OSBPL9: variants seen among roughly 807,000 people sequenced by gnomAD.
OSBPL9 encodes oxysterol-binding protein-related protein 9.
OSBPL9 carries 40 observed loss-of-function variants against 106.6 expected under a neutral mutation model. That is an observed-to-expected ratio of 0.38 (90% CI 0.29 to 0.49). OSBPL9 has a LOEUF of 0.49. OSBPL9 is among the 20% of genes least tolerant of loss of function. The pLI, the probability that OSBPL9 is intolerant of heterozygous loss-of-function variation, is 0.97. For missense variants in OSBPL9, 609 were observed against 887.2 expected, an observed-to-expected ratio of 0.69 and a Z score of 3.98; for synonymous variants, 269 against 295.4, an observed-to-expected ratio of 0.91 and a Z score of 0.92.
chr1:51,544,167 A>G, the OSBPL9 span, among the ~76,000 whole-genome samples: 1 of 152,208 alleles, frequency 6.6e-6, no homozygotes, highest in Non-Finnish European at 1.5e-5. Context: ...TCACAGATGA[A>G]GAAACTGAGG....
chr1:51,650,083 C>T (rs1171106257), intron 1 of OSBPL9, among the ~76,000 whole-genome samples: 2 of 151,942 alleles, frequency 1.3e-5, no homozygotes, highest in Non-Finnish European at 2.9e-5. Context: ...CGCCATGTTG[C>T]CCAGGCCGAC....
chr1:51,652,308 A>G (rs1459429722), intron 2 of OSBPL9, among the ~76,000 whole-genome samples: 1 of 152,226 alleles, frequency 6.6e-6, no homozygotes, highest in African/African-American at 2.4e-5. Flanking sequence ...TACTTTACAG[A>G]CAAGAGACAA....
rs746171693 is a variant in OSBPL9, at chr1:51,781,157, C to CT, written c.1257-5dup. ...AGGACATTAAATTTTGTCTTTCTCC[C>CT]TTGCAGCATTAGTGACCAGAAGGAT... On this transcript the variant is annotated splice_region_variant and splice_polypyrimidine_tract_variant and intron_variant, in intron 15 of 23. Coordinates refer to ENST00000428468, the MANE Select transcript of OSBPL9 (RefSeq NM_024586.6). 4 of 1,613,264 alleles carry CT rather than the reference C, an allele frequency of 2.5e-6. No homozygotes were observed. The highest frequency in any genetic ancestry group is 3.4e-6 in the Non-Finnish European group (4 of 1,179,508).
At chr1:51,567,484 C>A in the OSBPL9 span, 1 of 152,220 alleles carries the variant, frequency 6.6e-6, no homozygotes, top group Non-Finnish European at 1.5e-5. Context: ...CACTCCCTCC[C>A]TCCCCCATCC....
the OSBPL9 span, among the ~76,000 whole-genome samples, chr1:51,523,837 C>G: frequency 6.6e-6 from 1 of 152,116 alleles, no homozygotes; most frequent in African/African-American, 2.4e-5. Flanking sequence ...TATTTTCTAG[C>G]TTTTAGAGGC....
At chr1:51,648,447 C>A (rs1646303124) in intron 1 of OSBPL9, among the ~76,000 whole-genome samples, 1 of 152,152 alleles carries the variant, frequency 6.6e-6, no homozygotes, top group African/African-American at 2.4e-5. Flanking sequence ...TCCCTTTGCC[C>A]CGGTTGAAAA....
At chr1:51,552,516 A>G in the OSBPL9 span, among the ~76,000 whole-genome samples, 1 of 152,236 alleles carries the variant, frequency 6.6e-6, no homozygotes, top group Non-Finnish European at 1.5e-5. Flanking sequence ...ACTCTTAACC[A>G]ATATGAAAAA....
chr1:51,553,661 G>A, the OSBPL9 span, among the ~76,000 whole-genome samples: 1 of 152,026 alleles, frequency 6.6e-6, no homozygotes, highest in African/African-American at 2.4e-5. Context: ...GGGCAACATA[G>A]CAAGATCCCA....
the OSBPL9 span, among the ~76,000 whole-genome samples, chr1:51,544,837 C>CTTTTTTTTT: frequency 2.1e-4 from 17 of 80,260 alleles, no homozygotes; most frequent in African/African-American, 3.1e-4. Context: ...AAGAGACATG[C>CTTTTTTTTT]TTTTTTTTTT....
chr1:51,731,788 A>C (rs1446786330), intron 4 of OSBPL9, among the ~76,000 whole-genome samples: 1 of 152,084 alleles, frequency 6.6e-6, no homozygotes, highest in Non-Finnish European at 1.5e-5. Flanking sequence ...AAAAAAAAAA[A>C]AAAAACTCTT....
intron 4 of OSBPL9, among the ~76,000 whole-genome samples, chr1:51,731,673 A>G (rs568670770): frequency 3.3e-5 from 5 of 150,496 alleles, no homozygotes; most frequent in Admixed American, 3.3e-4. Flanking sequence ...GCTACTCGGG[A>G]GGCTGAGGCA....
intron 3 of OSBPL9, among the ~76,000 whole-genome samples, chr1:51,694,191 A>G (rs982410810): frequency 6.6e-6 from 1 of 152,252 alleles, no homozygotes; most frequent in Non-Finnish European, 1.5e-5. Context: ...TTTTGAAAAC[A>G]TGTACTTATT....
At chr1:51,579,856 A>AAATAATAATAATAAT (rs34556128) in intron 1 of OSBPL9, among the ~76,000 whole-genome samples, 5,884 of 143,770 alleles carry the variant, frequency 0.041, 226 homozygotes, top group African/African-American at 0.091. Flanking sequence ...CTCTGTCTCA[A>AAATAATAATAATAAT]AATAATAATA....
chr1:51,543,430 C>G, the OSBPL9 span, among the ~76,000 whole-genome samples: 1 of 152,174 alleles, frequency 6.6e-6, no homozygotes, highest in Non-Finnish European at 1.5e-5. Context: ...GAGTCTCACT[C>G]TGGCCCCCGG....
the OSBPL9 span, among the ~76,000 whole-genome samples, chr1:51,542,195 G>T: frequency 6.6e-6 from 1 of 152,112 alleles, no homozygotes; most frequent in Non-Finnish European, 1.5e-5. Context: ...GGCATATACA[G>T]CCTTTCTAAA....
chr1:51,692,580 C>G (rs941255278), intron 3 of OSBPL9, among the ~76,000 whole-genome samples: 2 of 151,730 alleles, frequency 1.3e-5, no homozygotes, highest in Non-Finnish European at 2.9e-5. Context: ...TATGCAATCC[C>G]TCCCTCCCTC....
rs2148936699 is a variant in OSBPL9 at position 51,729,837 on chromosome 1, CG to C, written c.319-15694del. On this transcript the variant is annotated intron_variant, in intron 4 of 23. Coordinates refer to ENST00000428468, the MANE Select transcript of OSBPL9 (RefSeq NM_024586.6). This position sits in a 1 kb window ranked among gnomAD's most constrained non-coding sequence, Gnocchi z 5.1. ...GGTGAAGGGGGTGAAGGGGGTGTCC[CG>C]GGGGACGGGCTGAACCTCAGTCAGG... 1.6e-6 allele frequency: 2 copies of C among 1,244,916 alleles called. No individual in the cohort carries two copies. Among genetic ancestry groups the C allele is most frequent in the Non-Finnish European group, 2.0e-6 (2 of 987,596 alleles). The allele number at this position is 1,244,916 out of a possible 1,614,324, so 77.1% of individuals were successfully genotyped here. A position where few individuals can be genotyped will look rare whatever the true frequency, so the allele number is the denominator to read the frequency against.
chr1:51,577,922 A>G (rs1645195912), intron 1 of OSBPL9, among the ~76,000 whole-genome samples: 1 of 152,224 alleles, frequency 6.6e-6, no homozygotes, highest in African/African-American at 2.4e-5. Flanking sequence ...ATGACTTCCC[A>G]TGAAATCACG....
chr1:51,729,886 G>C lies in OSBPL9; in HGVS notation c.319-15650G>C, dbSNP rs1488064740. ...AGGACCGCCTGCACCGCAGTCCGGG[G>C]ATCGGGTCGAGGGGAGAAGAAAAAG... On this transcript the variant is annotated intron_variant, in intron 4 of 23. Transcript: ENST00000428468. This position sits in a 1 kb window ranked among gnomAD's most constrained non-coding sequence, Gnocchi z 5.1. The C allele has an allele frequency of 2.5e-5, 31 of 1,261,168 alleles. No individual in the cohort carries two copies. The highest frequency in any genetic ancestry group is 3.1e-5 in the Non-Finnish European group (31 of 995,442). The allele number at this position is 1,261,168 out of a possible 1,614,324, so 78.1% of individuals were successfully genotyped here. A position where few individuals can be genotyped will look rare whatever the true frequency, so the allele number is the denominator to read the frequency against.
Sources: gnomAD v4.1 joint callset for allele counts (sites outside exome capture counted in the v4.1 genomes callset) on GRCh38, gnomAD v4.1.1 for gene constraint, Gnocchi (gnomAD v3.1) non-coding constraint, MANE v1.5 for transcripts, NCBI Gene and HGNC (gene_info 2026-07-23, HGNC 2026-07-21) for gene names.